Variants in ITGA8 observed in about 807,000 individuals in gnomAD.
ITGA8 encodes the protein integrin subunit alpha 8.
Under a neutral mutation model 142.3 loss-of-function variants are expected in ITGA8, and 91 were observed. That is an observed-to-expected ratio of 0.64 (90% CI 0.54 to 0.76). The LOEUF (loss-of-function observed/expected upper bound fraction) is 0.76, where lower values mean the gene tolerates loss of function less well. Ranked by LOEUF, ITGA8 falls within the 30% of genes least tolerant of loss-of-function variation. The pLI is 0.00. For synonymous variants in ITGA8, 505 were observed against 485.2 expected, an observed-to-expected ratio of 1.04 and a Z score of -0.54; for missense variants, 1,406 against 1,327.7, an observed-to-expected ratio of 1.06 and a Z score of -0.92.
chr10:15,610,099 A>G (rs1833265369), intron 15 of ITGA8, among the ~76,000 whole-genome samples: 1 of 151,984 alleles, frequency 6.6e-6, no homozygotes, highest in South Asian at 2.1e-4. Flanking sequence ...CTTTTTTTTC[A>G]TACAAGTGTA....
intron 25 of ITGA8, among the ~76,000 whole-genome samples, chr10:15,562,501 C>T (rs138478306): frequency 1.3e-5 from 2 of 152,226 alleles, no homozygotes; most frequent in East Asian, 3.9e-4. Context: ...GGAGTCCAGG[C>T]TTGGCAGGAA....
At chr10:15,531,962 C>T (rs1445319488) in intron 27 of ITGA8, among the ~76,000 whole-genome samples, 2 of 143,552 alleles carry the variant, frequency 1.4e-5, no homozygotes, top group South Asian at 4.3e-4. Context: ...AAAAAAAAAT[C>T]GTAGTATATT....
At chr10:15,620,478 A>AT (rs1455751313) in intron 13 of ITGA8, among the ~76,000 whole-genome samples, 2 of 152,156 alleles carry the variant, frequency 1.3e-5, no homozygotes, top group Non-Finnish European at 2.9e-5. Context: ...TCGGGTGGGA[A>AT]TTTTTTCTAC....
chr10:15,662,380 G>A (rs1455359776), intron 8 of ITGA8, among the ~76,000 whole-genome samples: 1 of 120,968 alleles, frequency 8.3e-6, no homozygotes, highest in Non-Finnish European at 1.6e-5. Flanking sequence ...CTGTTGCCCA[G>A]CCTGGAGTGT....
chr10:15,719,424 G>GAAT, intron 1 of ITGA8, 139 bp downstream of exon 1: 1 of 681,720 alleles, frequency 1.5e-6, no homozygotes, highest in Non-Finnish European at 2.3e-6. Flanking sequence ...GGGGCTGGTG[G>GAAT]CGGGGAGAGG....
At chr10:15,643,801 CATT>C (rs1429048028) in intron 13 of ITGA8, among the ~76,000 whole-genome samples, 2 of 152,170 alleles carry the variant, frequency 1.3e-5, no homozygotes, top group Non-Finnish European at 2.9e-5. Context: ...ATTGTTAAGC[CATT>C]CTGCCTTTCT....
chr10:15,631,075 G>A (rs1403604499), intron 13 of ITGA8, among the ~76,000 whole-genome samples: 1 of 151,934 alleles, frequency 6.6e-6, no homozygotes, highest in Non-Finnish European at 1.5e-5. Flanking sequence ...ATATTATGCT[G>A]GAGAGGATGT....
chr10:15,670,104 C>T (rs978604814), intron 8 of ITGA8, among the ~76,000 whole-genome samples: 7 of 152,204 alleles, frequency 4.6e-5, no homozygotes, highest in African/African-American at 1.2e-4. Context: ...TAGACCAGAG[C>T]TGTTCCTATT....
In ITGA8 at chr10:15,582,877, C is replaced by T. The variant is rs1834435559; in HGVS notation, c.2372+3707G>A. Among the ~76,000 whole-genome samples, 3 of 152,238 alleles carry T rather than the reference C, an allele frequency of 2.0e-5. No homozygotes were observed. In the South Asian group the frequency reaches 6.2e-4, roughly 32 times the overall value. On this transcript the variant is annotated intron_variant, in intron 23 of 29. Coordinates refer to ENST00000378076, the MANE Select transcript of ITGA8 (RefSeq NM_003638.3). ...TTTCTGGAAAACAGTTGCACAGTTT[C>T]TTATAAACATACACATATCATACAA...
intron 19 of ITGA8, among the ~76,000 whole-genome samples, chr10:15,604,860 A>C (rs1833166418): frequency 6.6e-6 from 1 of 152,154 alleles, no homozygotes; most frequent in Non-Finnish European, 1.5e-5. Context: ...GAGAGGGAAG[A>C]AGCAGGCAGA....
chr10:15,646,955 C>A lies in ITGA8; in HGVS notation c.1098G>T (p.Val366=), dbSNP rs1223566466. 2.5e-6 allele frequency: 4 copies of A among 1,614,076 alleles called. No individual in the cohort carries two copies. Among genetic ancestry groups the A allele is most frequent in the Non-Finnish European group, 3.4e-6 (4 of 1,180,014 alleles). ...EVGQIYLYLQ[V]SSLLFRDPQI... ...GGGGGTCTCTGAAGAGGAGAGAGCT[C>A]ACTTGCAAATACAGGTAGATTTGCC... Residue 366 remains valine, a synonymous_variant, in exon 12 of 30, where the codon GTG becomes GTT. Transcript: ENST00000378076.
At chr10:15,530,417 G>A (rs1027133735) in intron 28 of ITGA8, among the ~76,000 whole-genome samples, 1 of 151,642 alleles carries the variant, frequency 6.6e-6, no homozygotes, top group Non-Finnish European at 1.5e-5. Context: ...GTGGTGGCAG[G>A]CACCTGTAGT....
intron 29 of ITGA8, among the ~76,000 whole-genome samples, chr10:15,518,346 T>C (rs775986898): frequency 6.6e-6 from 1 of 152,198 alleles, no homozygotes; most frequent in Non-Finnish European, 1.5e-5. Flanking sequence ...CTTATACTCA[T>C]TGGAAATACA....
chr10:15,665,388 T>C (rs1367477167), intron 8 of ITGA8, among the ~76,000 whole-genome samples: 2 of 152,236 alleles, frequency 1.3e-5, no homozygotes, highest in Non-Finnish European at 2.9e-5. Flanking sequence ...ATAAATTTGT[T>C]TGAGTTCATT....
chr10:15,607,653 G>C (rs1309529421), intron 17 of ITGA8, 24 bp downstream of exon 17: 8 of 1,610,856 alleles, frequency 5.0e-6, no homozygotes, highest in Non-Finnish European at 5.9e-6. Flanking sequence ...AGAGAGGCCA[G>C]AGAAGTCTTT....
At chr10:15,522,235 T>C (rs1833085876) in intron 28 of ITGA8, among the ~76,000 whole-genome samples, 1 of 152,168 alleles carries the variant, frequency 6.6e-6, no homozygotes, top group Admixed American at 6.5e-5. Flanking sequence ...TATATATCAA[T>C]AGAAAATAAT....
chr10:15,579,807 A>G (rs963076405), intron 23 of ITGA8, among the ~76,000 whole-genome samples: 1 of 152,048 alleles, frequency 6.6e-6, no homozygotes, highest in Non-Finnish European at 1.5e-5. Flanking sequence ...AATCACAAAG[A>G]AAACTAGAAA....
At chr10:15,705,884 C>G (rs1483740857) in intron 2 of ITGA8, among the ~76,000 whole-genome samples, 1 of 152,136 alleles carries the variant, frequency 6.6e-6, no homozygotes, top group Non-Finnish European at 1.5e-5. Flanking sequence ...CTCCTCAAAT[C>G]CCCGGTATTT....
chr10:15,716,670 A>ATTT (rs796458374), intron 2 of ITGA8, among the ~76,000 whole-genome samples: 3,981 of 135,002 alleles, frequency 0.029, 127 homozygotes, highest in African/African-American at 0.058. Flanking sequence ...AACCTATTGT[A>ATTT]TTTTTTTTTT....
Sources: gnomAD v4.1 joint callset for allele counts (sites outside exome capture counted in the v4.1 genomes callset) on GRCh38, gnomAD v4.1.1 for gene constraint, MANE v1.5 for transcripts, NCBI Gene and HGNC (gene_info 2026-07-23, HGNC 2026-07-21) for gene names.